The following KCNH5 variants were observed in gnomAD, a reference collection of about 807,000 sequenced individuals.
KCNH5 encodes voltage-gated delayed rectifier potassium channel KCNH5.
A neutral mutation model predicts 96.1 loss-of-function variants in KCNH5; 46 were observed. The ratio of observed to expected loss-of-function variants is 0.48; its 90% CI spans 0.38 to 0.61. The LOEUF (loss-of-function observed/expected upper bound fraction) is 0.61, where lower values mean the gene tolerates loss of function less well. Among genes scored for constraint, KCNH5 ranks in the 20% least tolerant of loss-of-function variants. The pLI is 0.00. For synonymous variants in KCNH5, 439 were observed against 449.8 expected (o/e 0.98, Z 0.30); for missense variants, 907 against 1,225.8 (o/e 0.74, Z 3.88).
chr14:62,861,796 C>A (rs1056384999), intron 7 of KCNH5, among the ~76,000 whole-genome samples: 7 of 152,026 alleles, frequency 4.6e-5, no homozygotes, highest in Non-Finnish European at 8.8e-5. Flanking sequence ...AAGAAAACTA[C>A]AATGATAAGA....
chr14:62,883,459 G>C (rs1888532891), intron 7 of KCNH5, among the ~76,000 whole-genome samples: 1 of 152,128 alleles, frequency 6.6e-6, no homozygotes, highest in Admixed American at 6.6e-5. Context: ...GCTGCTCATG[G>C]AATTCAAATT....
At chr14:62,926,263 C>A (rs1396746507) in intron 7 of KCNH5, among the ~76,000 whole-genome samples, 1 of 152,068 alleles carries the variant, frequency 6.6e-6, no homozygotes, top group East Asian at 1.9e-4. Context: ...CTGATAAGTT[C>A]TTGAAACTTT....
chr14:62,785,963 T>TGG (rs1886312407), intron 9 of KCNH5, among the ~76,000 whole-genome samples: 1 of 152,072 alleles, frequency 6.6e-6, no homozygotes, highest in Non-Finnish European at 1.5e-5. Flanking sequence ...GAGGCCAAGG[T>TGG]GGGCAGATCA....
chr14:63,034,411 C>T (rs1465885562), intron 1 of KCNH5, among the ~76,000 whole-genome samples: 1 of 152,178 alleles, frequency 6.6e-6, no homozygotes, highest in African/African-American at 2.4e-5. Context: ...TGTATGTGCA[C>T]TGCCCATTTC....
At chr14:62,836,425 C>T (rs1191410485) in intron 8 of KCNH5, among the ~76,000 whole-genome samples, 1 of 151,960 alleles carries the variant, frequency 6.6e-6, no homozygotes, top group Non-Finnish European at 1.5e-5. Flanking sequence ...TATCCCTTAC[C>T]AATTAATAAA....
intron 10 of KCNH5, among the ~76,000 whole-genome samples, chr14:62,767,732 A>G (rs1885891534): frequency 1.3e-5 from 2 of 152,178 alleles, no homozygotes; most frequent in African/African-American, 4.8e-5. Flanking sequence ...TACCTGGGTG[A>G]CAAAATAACC....
chr14:62,915,284 G>C (rs1170737974), intron 7 of KCNH5, among the ~76,000 whole-genome samples: 1 of 152,152 alleles, frequency 6.6e-6, no homozygotes, highest in Non-Finnish European at 1.5e-5. Flanking sequence ...TGTTTCTTGA[G>C]AGCGGGGACT....
At chr14:62,951,820 G>A (rs562038838) in intron 6 of KCNH5, among the ~76,000 whole-genome samples, 7 of 152,030 alleles carry the variant, frequency 4.6e-5, no homozygotes, top group African/African-American at 7.2e-5. Context: ...AAAATTAGCC[G>A]GGCATGGTGG....
chr14:62,959,082 C>T (rs1427952885), intron 6 of KCNH5, among the ~76,000 whole-genome samples: 1 of 152,082 alleles, frequency 6.6e-6, no homozygotes, highest in Non-Finnish European at 1.5e-5. Context: ...TCTAACATCA[C>T]CTCACCCAAC....
chr14:62,785,405 T>C (rs957290161), intron 9 of KCNH5, among the ~76,000 whole-genome samples: 35 of 152,176 alleles, frequency 2.3e-4, no homozygotes, highest in African/African-American at 7.7e-4. Flanking sequence ...GTACAAAAGA[T>C]TTTGCACACT....
chr14:62,882,952 A>AAT (rs1230068191), intron 7 of KCNH5, among the ~76,000 whole-genome samples: 1 of 152,206 alleles, frequency 6.6e-6, no homozygotes. Context: ...TGGCCTAAGA[A>AAT]ATGTTTCTAA....
intron 9 of KCNH5, among the ~76,000 whole-genome samples, chr14:62,791,689 T>C (rs1886438554): frequency 6.6e-6 from 1 of 151,744 alleles, no homozygotes; most frequent in Non-Finnish European, 1.5e-5. Flanking sequence ...AAGCTCATTA[T>C]TTAATGTTAA....
At chr14:62,808,571 G>A (rs1886815141) in intron 8 of KCNH5, among the ~76,000 whole-genome samples, 1 of 152,060 alleles carries the variant, frequency 6.6e-6, no homozygotes, top group Non-Finnish European at 1.5e-5. Flanking sequence ...TTATAAAGGT[G>A]AAGTTTGGCT....
At chr14:62,922,712 C>T (rs1363750611) in intron 7 of KCNH5, among the ~76,000 whole-genome samples, 1 of 151,884 alleles carries the variant, frequency 6.6e-6, no homozygotes, top group Non-Finnish European at 1.5e-5. Flanking sequence ...ATTTTCATGA[C>T]CATCTCAGTA....
At chr14:63,013,646 G>A (rs1413933125) in intron 2 of KCNH5, among the ~76,000 whole-genome samples, 2 of 151,966 alleles carry the variant, frequency 1.3e-5, no homozygotes, top group Non-Finnish European at 2.9e-5. Flanking sequence ...CAAGAAATGG[G>A]AAAAAAGCGA....
chr14:62,739,719 A>G (rs900931492), intron 10 of KCNH5, among the ~76,000 whole-genome samples: 1 of 152,154 alleles, frequency 6.6e-6, no homozygotes, highest in Non-Finnish European at 1.5e-5. Context: ...CTACACAAAC[A>G]TTACATGCGG....
chr14:62,727,052 A>C (rs1424744532), intron 10 of KCNH5, among the ~76,000 whole-genome samples: 3 of 152,316 alleles, frequency 2.0e-5, no homozygotes, highest in African/African-American at 7.2e-5. Context: ...AAAAAGAGGC[A>C]AAATGGATCT....
At chr14:62,731,356 TA>T (rs1268725249) in intron 10 of KCNH5, among the ~76,000 whole-genome samples, 4 of 151,480 alleles carry the variant, frequency 2.6e-5, no homozygotes, top group Non-Finnish European at 4.4e-5. Flanking sequence ...AATTAAAAAT[TA>T]AAAAAATACT....
chr14:63,044,616 A>G (rs1005086610), intron 1 of KCNH5, among the ~76,000 whole-genome samples: 1 of 152,178 alleles, frequency 6.6e-6, no homozygotes, highest in South Asian at 2.1e-4. Context: ...TCCCCGGCAC[A>G]AAGCACCTTT....
Sources: gnomAD v4.1 joint callset for allele counts (sites outside exome capture counted in the v4.1 genomes callset) on GRCh38, gnomAD v4.1.1 for gene constraint, MANE v1.5 for transcripts, NCBI Gene and HGNC (gene_info 2026-07-23, HGNC 2026-07-21) for gene names.